The following KLHL26 variants were observed in gnomAD, a reference collection of about 807,000 sequenced individuals.
The protein encoded by KLHL26 is kelch like family member 26.
KLHL26 carries 4 observed loss-of-function variants against 7.1 expected under a neutral mutation model. That is an observed-to-expected ratio of 0.56 (90% CI 0.28 to 1.28). KLHL26 has a LOEUF of 1.28. Ranked by LOEUF, KLHL26 falls within the 50% of genes most tolerant of loss-of-function variation. The pLI, the probability that KLHL26 is intolerant of heterozygous loss-of-function variation, is 0.11. For missense variants in KLHL26, 896 were observed against 924.6 expected, an observed-to-expected ratio of 0.97 and a Z score of 0.40; for synonymous variants, 465 against 414.1, an observed-to-expected ratio of 1.12 and a Z score of -1.49.
In KLHL26 at chr19:18,668,478, A is replaced by T; in HGVS notation, c.1081A>T (p.Asn361Tyr). The T allele has an allele frequency of 6.2e-7, 1 of 1,609,120 alleles. No homozygotes were observed. The highest frequency in any genetic ancestry group is 8.5e-7 in the Non-Finnish European group (1 of 1,178,658). ...CCACACGTGCGTGGCCGTGCTGGACAATTTTGTGTACGTGGCCGGGGGGCA... is the reference window on the plus strand; with the variant it reads ...CCACACGTGCGTGGCCGTGCTGGACTATTTTGTGTACGTGGCCGGGGGGCA... Reference protein sequence around the residue: ...CSHTCVAVLDNFVYVAGGQHL... With the variant: ...CSHTCVAVLDYFVYVAGGQHL... The change falls in exon 3 of 3, where the codon AAT (asparagine) becomes TAT (tyrosine). Residue 361 changes from asparagine to tyrosine, a missense_variant. By Grantham distance (143) the Asn-to-Tyr change is moderately radical. Coordinates refer to ENST00000300976, the MANE Select transcript of KLHL26 (RefSeq NM_018316.3).
chr19:18,642,983 G>A (rs947712661), intron 1 of KLHL26, among the ~76,000 whole-genome samples: 13 of 151,806 alleles, frequency 8.6e-5, no homozygotes, highest in African/African-American at 3.1e-4. Context: ...ACCAGTGCAC[G>A]CCACCACGCC....
At chr19:18,659,715 C>A (rs1406468844) in intron 1 of KLHL26, 1 of 152,096 alleles carries the variant, frequency 6.6e-6, no homozygotes, top group Non-Finnish European at 1.5e-5. Flanking sequence ...GATCGCTTCT[C>A]ATGGGTTGGG....
At chr19:18,657,242 G>A (rs1229567802) in intron 1 of KLHL26, among the ~76,000 whole-genome samples, 1 of 140,842 alleles carries the variant, frequency 7.1e-6, no homozygotes, top group Non-Finnish European at 1.5e-5. Context: ...CCTGTCTCTG[G>A]GTCTGTGTCT....
In KLHL26 at chr19:18,667,681, G is replaced by A. The variant is rs1479673252; in HGVS notation, c.284G>A (p.Gly95Asp). The change falls in exon 3 of 3, where the codon GGC becomes GAC. Residue 95 changes from glycine to aspartate, a missense_variant. Transcript: ENST00000300976. Reference protein sequence around the residue: ...SDYFRAMFTGGMREASQDVIE... With the variant: ...SDYFRAMFTGDMREASQDVIE... ...CCCTTCAGGGCCATGTTCACCGGCG[G>A]CATGCGGGAGGCAAGCCAGGACGTC... 1 of 1,611,614 alleles carries A rather than the reference G, an allele frequency of 6.2e-7. No individual in the cohort carries two copies. The highest frequency in any genetic ancestry group is 8.5e-7 in the Non-Finnish European group (1 of 1,179,018).
Position 18,667,940 on chromosome 19 carries a change from A to G in KLHL26, c.543A>G (p.Arg181=). ...CCACCTTCAGCCTGGCCTCGCTGCG[A>G]GAGTCGGTGGATGCCTTCACCTTCC... ...MATTFSLASL[R]ESVDAFTFRH... The change falls in exon 3 of 3, where the codon CGA becomes CGG. Residue 181 remains arginine (R), a synonymous_variant. Transcript: ENST00000300976. 1 of 1,610,592 alleles carries G rather than the reference A, an allele frequency of 6.2e-7. No individual in the cohort carries two copies. Among genetic ancestry groups the G allele is most frequent in the East Asian group, 2.2e-5 (1 of 44,874 alleles).
At chr19:18,666,023 A>G (rs920087775) in intron 2 of KLHL26, among the ~76,000 whole-genome samples, 1 of 152,218 alleles carries the variant, frequency 6.6e-6, no homozygotes, top group Non-Finnish European at 1.5e-5. Context: ...AATGCCCTTT[A>G]AAGGCTCCCC....
At chr19:18,654,821 C>T (rs767147762) in intron 1 of KLHL26, among the ~76,000 whole-genome samples, 2 of 151,598 alleles carry the variant, frequency 1.3e-5, no homozygotes, top group African/African-American at 2.4e-5. Context: ...GTCTATCTAC[C>T]GTTTGCCCAT....
chr19:18,649,937 T>G lies in KLHL26; in HGVS notation c.83+12800T>G, dbSNP rs1200370290. On this transcript the variant is annotated intron_variant, in intron 1 of 2. Transcript: ENST00000300976. This position sits in a 1 kb window ranked among gnomAD's most constrained non-coding sequence, Gnocchi z 4.0. ...CGCAGCGGAGTGCCTGATCGCTCTG[T>G]GTGCACCACCACGGTGCACACTGAA... 6.6e-6 allele frequency among the ~76,000 whole-genome samples: 1 copy of G among 152,220 alleles called. No homozygotes were observed. The highest frequency in any genetic ancestry group is 1.5e-5 in the Non-Finnish European group (1 of 68,036).
intron 1 of KLHL26, among the ~76,000 whole-genome samples, chr19:18,654,660 T>TCCACCCATCCACCTATCCATCTAC (rs1471603273): frequency 4.3e-4 from 64 of 150,522 alleles, no homozygotes; most frequent in Non-Finnish European, 2.4e-4. Flanking sequence ...CACCCTTTCA[T>TCCACCCATCCACCTATCCATCTAC]CCACCCATCC....
At position 18,668,655 on chromosome 19, in the gene KLHL26, G is replaced by A. The variant is rs768062474; in HGVS notation, c.1258G>A (p.Gly420Ser). ...GTGCGGCATGGTGTACGCCACGGGC[G>A]GCCGCAACCGAGCCGGCAGCCTGGC... ...VLCGMVYATG[G>S]RNRAGSLASV... Residue 420 changes from glycine to serine, a missense_variant, in exon 3 of 3, where the codon GGC (glycine) becomes AGC (serine). Physicochemically the swap from Gly to Ser is moderately conservative, Grantham distance 56. Transcript: ENST00000300976. 1.3e-6 allele frequency: 2 copies of A among 1,567,180 alleles called. No homozygotes were observed. The highest frequency in any genetic ancestry group is 8.6e-7 in the Non-Finnish European group (1 of 1,161,484).
intron 1 of KLHL26, among the ~76,000 whole-genome samples, chr19:18,642,398 G>A (rs1976729742): frequency 1.5e-5 from 2 of 129,574 alleles, no homozygotes; most frequent in Middle Eastern, 4.0e-3. Context: ...ATGGAGTTTC[G>A]CTTTTGTTGC....
rs773690082 is a variant in KLHL26, at chr19:18,668,670, G to C, written c.1273G>C (p.Gly425Arg). The C allele has an allele frequency of 2.4e-5, 38 of 1,571,716 alleles. No individual in the cohort carries two copies. The highest frequency in any genetic ancestry group is 3.2e-5 in the Non-Finnish European group (37 of 1,163,046). Residue 425 changes from glycine (G) to arginine (R), a missense_variant, in exon 3 of 3, where the codon GGC becomes CGC. Physicochemically the swap from Gly to Arg is moderately radical, Grantham distance 125 (BLOSUM62 -2). Coordinates refer to ENST00000300976, the MANE Select transcript of KLHL26 (RefSeq NM_018316.3). ...CGCCACGGGCGGCCGCAACCGAGCC[G>C]GCAGCCTGGCCTCCGTGGAGCGGTA... is the stretch of plus-strand genomic sequence containing the variant. ...VYATGGRNRA[G>R]SLASVERYCP...
Position 18,669,298 on chromosome 19 carries a change from C to T in KLHL26, c.*53C>T, listed in dbSNP as rs1317029487. ...GACCGCATGTTGTCTCCAAGTGGGG[C>T]TTGGCGAATGCACGTCTGCCTGAGA... On this transcript the variant is annotated 3_prime_UTR_variant, in exon 3 of 3. Coordinates refer to ENST00000300976, the MANE Select transcript of KLHL26 (RefSeq NM_018316.3). The T allele has an allele frequency of 6.9e-7, 1 of 1,442,100 alleles. No individual in the cohort carries two copies. The highest frequency in any genetic ancestry group is 2.3e-5 in the East Asian group (1 of 43,984). 89.3% of individuals were successfully genotyped at this position (1,442,100 alleles called of 1,614,324 possible). A position where few individuals can be genotyped will look rare whatever the true frequency, so the allele number is the denominator to read the frequency against.
chr19:18,643,488 T>A (rs761731111), intron 1 of KLHL26, among the ~76,000 whole-genome samples: 3 of 151,458 alleles, frequency 2.0e-5, no homozygotes, highest in Non-Finnish European at 2.9e-5. Context: ...TTATTATTAT[T>A]TTTTTTTGAG....
intron 1 of KLHL26, among the ~76,000 whole-genome samples, chr19:18,651,289 C>G (rs542428816): frequency 6.6e-6 from 1 of 152,190 alleles, no homozygotes; most frequent in East Asian, 1.9e-4. Flanking sequence ...ATCCTGGTGG[C>G]TCCAGTAAAA....
chr19:18,657,566 G>A (rs1188181497), intron 1 of KLHL26, among the ~76,000 whole-genome samples: 2 of 151,756 alleles, frequency 1.3e-5, no homozygotes, highest in Admixed American at 6.6e-5. Flanking sequence ...CTGTTTCTGG[G>A]TCTCTGTCTC....
Position 18,669,185 on chromosome 19 carries a change from G to C in KLHL26, c.1788G>C (p.Glu596Asp), listed in dbSNP as rs1440434291. 1.2e-6 allele frequency: 2 copies of C among 1,612,582 alleles called. No homozygotes were observed. Among genetic ancestry groups the C allele is most frequent in the Non-Finnish European group, 1.7e-6 (2 of 1,179,970 alleles). Residue 596 changes from glutamate (E) to aspartate (D), a missense_variant, in exon 3 of 3, where the codon GAG becomes GAC. Glu to Asp is a conservative substitution (Grantham distance 45, BLOSUM62 2). Transcript: ENST00000300976. ...DEWERDLHFP[E>D]SFAGIACAPV... ...GGGAGCGGGACCTGCACTTCCCGGAGTCCTTCGCAGGCATAGCCTGCGCCC... is the reference window on the plus strand; with the variant it reads ...GGGAGCGGGACCTGCACTTCCCGGACTCCTTCGCAGGCATAGCCTGCGCCC...
chr19:18,666,358 C>T (rs2145409790), intron 2 of KLHL26, among the ~76,000 whole-genome samples: 1 of 152,220 alleles, frequency 6.6e-6, no homozygotes, highest in Admixed American at 6.5e-5. Flanking sequence ...AAGGGATGTT[C>T]CCTCCTCCTC....
At chr19:18,639,266 CAG>C (rs1226186215) in intron 1 of KLHL26, among the ~76,000 whole-genome samples, 4 of 151,636 alleles carry the variant, frequency 2.6e-5, no homozygotes, top group South Asian at 4.2e-4. Flanking sequence ...TAAGTAGAGA[CAG>C]GGTTTCACTG....
Sources: allele counts gnomAD v4.1 joint callset (sites outside exome capture counted in the v4.1 genomes callset), GRCh38; gene constraint gnomAD v4.1.1; non-coding constraint Gnocchi (gnomAD v3.1); transcripts MANE v1.5; gene names NCBI Gene and HGNC (gene_info 2026-07-23, HGNC 2026-07-21).